Variants in SYCP1 observed in about 807,000 individuals in gnomAD.
SYCP1 encodes the protein synaptonemal complex protein 1.
SYCP1 carries 64 observed loss-of-function variants against 153.1 expected under a neutral mutation model. The ratio of observed to expected loss-of-function variants is 0.42; its 90% CI spans 0.34 to 0.51. The LOEUF is 0.51. Ranked by LOEUF, SYCP1 falls within the 20% of genes least tolerant of loss-of-function variation. SYCP1 has a pLI of 0.06. For synonymous variants in SYCP1, 384 were observed against 341.8 expected, an observed-to-expected ratio of 1.12 and a Z score of -1.36; for missense variants, 997 against 1,049.0, an observed-to-expected ratio of 0.95 and a Z score of 0.68.
At chr1:114,972,332 G>A (rs1451641096) in intron 27 of SYCP1, among the ~76,000 whole-genome samples, 11 of 151,308 alleles carry the variant, frequency 7.3e-5, no homozygotes, top group Non-Finnish European at 1.3e-4. Context: ...CCTGGCTAAC[G>A]GTTTGTCATT....
intron 8 of SYCP1, among the ~76,000 whole-genome samples, chr1:114,874,012 G>A (rs1171570668): frequency 6.6e-6 from 1 of 152,108 alleles, no homozygotes; most frequent in African/African-American, 2.4e-5. Context: ...GATTACAGGC[G>A]TGAGCCACCA....
Position 114,877,278 on chromosome 1 carries a change from T to C in SYCP1, c.801+468T>C, listed in dbSNP as rs563309137. 3.0e-4 allele frequency among the ~76,000 whole-genome samples: 45 copies of C among 152,308 alleles called. No individual in the cohort carries two copies. The South Asian group carries it at 9.1e-3, about 31-fold the overall frequency. On this transcript the variant is annotated intron_variant, in intron 11 of 31. Transcript: ENST00000369522. ...AAGACACAGATGTTTTTTATATTCA[T>C]GTCATATAGTGGAAGACTTGAAAAT...
At chr1:114,869,406 A>C (rs1433858950) in intron 8 of SYCP1, among the ~76,000 whole-genome samples, 1 of 152,158 alleles carries the variant, frequency 6.6e-6, no homozygotes, top group African/African-American at 2.4e-5. Flanking sequence ...ATACTGTACA[A>C]TTTATAATCT....
chr1:114,917,933 G>A (rs1352033999), intron 20 of SYCP1, among the ~76,000 whole-genome samples: 1 of 151,696 alleles, frequency 6.6e-6, no homozygotes, highest in Admixed American at 6.6e-5. Context: ...CATGCTGTGG[G>A]TTGTGTCCTC....
intron 16 of SYCP1, among the ~76,000 whole-genome samples, chr1:114,900,312 G>A (rs1000109011): frequency 2.6e-5 from 4 of 150,986 alleles, no homozygotes; most frequent in East Asian, 1.9e-4. Context: ...ATGGAATTTC[G>A]CTCTGTCACC....
chr1:114,878,272 T>G, intron 12 of SYCP1, 70 bp downstream of exon 12: 2 of 1,063,502 alleles, frequency 1.9e-6, no homozygotes, highest in Non-Finnish European at 2.8e-6. Context: ...ACATTGACTT[T>G]CATTACAAGT....
chr1:114,949,125 G>A (rs1323056488), intron 27 of SYCP1, among the ~76,000 whole-genome samples: 1 of 152,196 alleles, frequency 6.6e-6, no homozygotes, highest in Admixed American at 6.5e-5. Context: ...AGCTGAGGCA[G>A]AAAATGAAAT....
intron 30 of SYCP1, among the ~76,000 whole-genome samples, chr1:114,986,955 C>G (rs1337623457): frequency 6.6e-6 from 1 of 151,988 alleles, no homozygotes; most frequent in Admixed American, 6.6e-5. Context: ...TGCTCATGTT[C>G]CCTGAGTGAC....
At chr1:114,968,120 T>A (rs941379550) in intron 27 of SYCP1, among the ~76,000 whole-genome samples, 1 of 152,226 alleles carries the variant, frequency 6.6e-6, no homozygotes, top group Admixed American at 6.5e-5. Flanking sequence ...ATTTTTTCCT[T>A]CATTTCAACC....
chr1:114,886,695 A>G (rs1045020341), intron 14 of SYCP1, among the ~76,000 whole-genome samples: 2 of 152,108 alleles, frequency 1.3e-5, no homozygotes, highest in African/African-American at 4.8e-5. Context: ...TTTCTGATTT[A>G]TAAATTTAGC....
chr1:114,898,425 C>T (rs1328286202), intron 16 of SYCP1, among the ~76,000 whole-genome samples: 1 of 152,136 alleles, frequency 6.6e-6, no homozygotes, highest in South Asian at 2.1e-4. Context: ...TTATTCCCAT[C>T]ATCTGTCCGG....
In SYCP1 at chr1:114,907,984, C is replaced by G. The variant is rs1321979495; in HGVS notation, c.1321-2413C>G. Among the ~76,000 whole-genome samples, 3 of 151,982 alleles carry G rather than the reference C, an allele frequency of 2.0e-5. No homozygotes were observed. In the East Asian group the frequency reaches 5.8e-4, roughly 29 times the overall value. ...TTTAAATAACTTGAAGAAAAATGAT[C>G]TTTTATATTTATTGCAATATTTACC... On this transcript the variant is annotated intron_variant, in intron 16 of 31. Coordinates refer to ENST00000369522, the MANE Select transcript of SYCP1 (RefSeq NM_003176.4).
intron 12 of SYCP1, among the ~76,000 whole-genome samples, chr1:114,880,309 C>A (rs942854669): frequency 2.0e-5 from 3 of 152,208 alleles, no homozygotes; most frequent in Non-Finnish European, 2.9e-5. Flanking sequence ...CTTCTTCCTG[C>A]AGCTTCTGGC....
At position 114,905,139 on chromosome 1, in the gene SYCP1, ATTTCT is replaced by A. The variant is rs1336250541; in HGVS notation, c.1321-5249_1321-5245del. ...GTTCATAAGAGATATTGGTCTGTAG[ATTTCT>A]TTTCTTTTGCTATCTGTGTCTGGTT... On this transcript the variant is annotated intron_variant, in intron 16 of 31. Transcript: ENST00000369522. Among the ~76,000 whole-genome samples, 3 of 152,218 alleles carry A rather than the reference ATTTCT, an allele frequency of 2.0e-5. No homozygotes were observed. In the East Asian group the frequency reaches 5.8e-4, roughly 29 times the overall value.
intron 30 of SYCP1, among the ~76,000 whole-genome samples, chr1:114,990,388 G>T (rs1257545201): frequency 6.6e-6 from 1 of 151,736 alleles, no homozygotes; most frequent in Non-Finnish European, 1.5e-5. Context: ...TATTAAGAAA[G>T]ATCTCAAATC....
intron 27 of SYCP1, among the ~76,000 whole-genome samples, chr1:114,956,475 C>G (rs749341278): frequency 1.3e-5 from 2 of 152,184 alleles, no homozygotes; most frequent in Admixed American, 6.5e-5. Context: ...CATGTGTTCT[C>G]TCAGCCACCA....
chr1:114,986,260 A>G (rs1673499702), intron 30 of SYCP1, among the ~76,000 whole-genome samples: 1 of 152,042 alleles, frequency 6.6e-6, no homozygotes, highest in Admixed American at 6.6e-5. Context: ...AAATTTGAAC[A>G]CAGTCTGGCT....
chr1:114,900,580 C>G (rs758364330), intron 16 of SYCP1, among the ~76,000 whole-genome samples: 9 of 152,230 alleles, frequency 5.9e-5, no homozygotes, highest in Non-Finnish European at 1.2e-4. Flanking sequence ...TGCGCCTAGC[C>G]TCTTATAACC....
intron 22 of SYCP1, 45 bp downstream of exon 22, chr1:114,926,385 C>T (rs1669249487): frequency 1.3e-6 from 2 of 1,485,112 alleles, no homozygotes; most frequent in Non-Finnish European, 9.0e-7. Flanking sequence ...CTGATATTTT[C>T]ACCACAGTTT....
Sources: gnomAD v4.1 joint callset for allele counts (sites outside exome capture counted in the v4.1 genomes callset) on GRCh38, gnomAD v4.1.1 for gene constraint, MANE v1.5 for transcripts, NCBI Gene and HGNC (gene_info 2026-07-23, HGNC 2026-07-21) for gene names.